FAM171A2: variants seen among roughly 807,000 people sequenced by gnomAD.
FAM171A2 encodes family with sequence similarity 171 member A2.
In FAM171A2, 13 loss-of-function variants were observed where a neutral mutation model predicts 34.2. The observed-to-expected ratio is 0.38, with a 90% CI of 0.25 to 0.60. The LOEUF is 0.60. FAM171A2 is among the 20% of genes least tolerant of loss of function. The pLI is 0.62. For missense variants in FAM171A2, 950 were observed against 1,180.7 expected (o/e 0.80, Z 2.86); for synonymous variants, 475 against 561.2 (o/e 0.85, Z 2.17).
In FAM171A2 at chr17:44,355,637, G is replaced by C; in HGVS notation, c.1022+78C>G. Reference sequence around the variant, plus strand: ...TTTCCTGTCTGCCCCTTGAGGACCAGAAGTGGATTTTATGCATCTTTGGGG... The same window carrying C: ...TTTCCTGTCTGCCCCTTGAGGACCACAAGTGGATTTTATGCATCTTTGGGG... On this transcript the variant is annotated intron_variant, in intron 7 of 7. Transcript: ENST00000293443. The surrounding 1 kb of genome is among the most constrained non-coding windows in gnomAD (Gnocchi z 4.1). 1 of 1,532,246 alleles carries C rather than the reference G, an allele frequency of 6.5e-7. No homozygotes were observed. The highest frequency in any genetic ancestry group is 8.8e-7 in the Non-Finnish European group (1 of 1,133,478). 94.9% of individuals were successfully genotyped at this position (1,532,246 alleles called of 1,614,324 possible).
chr17:44,357,473 C>G (rs1452961754), intron 3 of FAM171A2, among the ~76,000 whole-genome samples: 2 of 151,792 alleles, frequency 1.3e-5, no homozygotes, highest in Non-Finnish European at 2.9e-5. Context: ...ATGGTGAAAC[C>G]CCATCTCTAC....
At chr17:44,360,982 C>T (rs930852022) in intron 1 of FAM171A2, among the ~76,000 whole-genome samples, 3 of 152,248 alleles carry the variant, frequency 2.0e-5, no homozygotes, top group Admixed American at 6.5e-5. Context: ...GCCCTCATTC[C>T]TCCCAGGAGA....
Position 44,354,409 on chromosome 17 carries a change from T to TCGCCGCCGCCCC in FAM171A2, c.1793_1804dup (p.Gly598_Gly601dup), listed in dbSNP as rs1286550801. On this transcript the variant is annotated inframe_insertion, in exon 8 of 8. Coordinates refer to ENST00000293443, the MANE Select transcript of FAM171A2 (RefSeq NM_198475.3). This position sits in a 1 kb window ranked among gnomAD's most constrained non-coding sequence, Gnocchi z 5.8. ...CGCCGCGCGCCCGGCCCCCCAGCCC[T>TCGCCGCCGCCCC]CGCCGCCGCCCCCGCCGCCCTCGCC... 1.4e-5 allele frequency: 17 copies of TCGCCGCCGCCCC among 1,187,226 alleles called. No homozygotes were observed. Among genetic ancestry groups the TCGCCGCCGCCCC allele is most frequent in the Non-Finnish European group, 1.8e-5 (17 of 951,808 alleles). 73.5% of individuals were successfully genotyped at this position (1,187,226 alleles called of 1,614,324 possible).
At chr17:44,359,456 A>T in intron 3 of FAM171A2, 123 bp downstream of exon 3, 1 of 770,328 alleles carries the variant, frequency 1.3e-6, no homozygotes, top group Non-Finnish European at 2.2e-6. Context: ...AAATGAGCAA[A>T]TTATGGCTCA....
chr17:44,353,981 C>T lies in FAM171A2; in HGVS notation c.2233G>A (p.Glu745Lys). The part of the protein sequence containing the change: ...SESRTGLCSP[E>K]DNSLTPLLDE... ...AGCAGCGGCGTCAGCGAGTTGTCCT[C>T]CGGAGAGCAGAGGCCCGTGCGGCTC... Residue 745 changes from glutamate to lysine, a missense_variant, in exon 8 of 8, where the codon GAG becomes AAG. Glu to Lys is a moderately conservative substitution (Grantham distance 56). This residue lies in a region of FAM171A2 where 191 missense variants were observed against 222.8 expected (regional missense o/e 0.86). Coordinates refer to ENST00000293443, the MANE Select transcript of FAM171A2 (RefSeq NM_198475.3). 7.8e-7 allele frequency: 1 copy of T among 1,284,830 alleles called. No individual in the cohort carries two copies. The highest frequency in any genetic ancestry group is 9.8e-7 in the Non-Finnish European group (1 of 1,019,288). The allele number at this position is 1,284,830 out of a possible 1,614,324, so 79.6% of individuals were successfully genotyped here. A position where few individuals can be genotyped will look rare whatever the true frequency, so the allele number is the denominator to read the frequency against.
At chr17:44,357,730 C>T (rs1005769787) in intron 3 of FAM171A2, among the ~76,000 whole-genome samples, 21 of 143,264 alleles carry the variant, frequency 1.5e-4, no homozygotes, top group South Asian at 2.3e-4. Context: ...CAGTTTAGGT[C>T]GTGTGTGTGT....
intron 3 of FAM171A2, chr17:44,359,316 T>C (rs2048438302): frequency 2.0e-6 from 1 of 489,928 alleles, no homozygotes; most frequent in Non-Finnish European, 3.7e-6. Context: ...TAGGAATAGA[T>C]GGAGAATAGA....
chr17:44,353,783 G>A lies in FAM171A2; in HGVS notation c.2431C>T (p.Pro811Ser). Residue 811 changes from proline (P) to serine (S), a missense_variant, in exon 8 of 8, where the codon CCG becomes TCG. Physicochemically the swap from Pro to Ser is moderately conservative, Grantham distance 74 (BLOSUM62 -1). This residue lies in a region of FAM171A2 where 191 missense variants were observed against 222.8 expected (regional missense o/e 0.86). Transcript: ENST00000293443. ...GGCCGCTCCTCCCGCCGCTGCCACG[G>A]GCTCTTCTTGTCTCCCGCCTCGTCG... ...VGDEAGDKKS[P>S]WQRREERPLM... 1 of 1,437,724 alleles carries A rather than the reference G, an allele frequency of 7.0e-7. No individual in the cohort carries two copies. Among genetic ancestry groups the A allele is most frequent in the Non-Finnish European group, 9.1e-7 (1 of 1,096,754 alleles). The allele number at this position is 1,437,724 out of a possible 1,614,324, so 89.1% of individuals were successfully genotyped here.
chr17:44,353,561 G>C lies in FAM171A2; in HGVS notation c.*172C>G. 2.5e-6 allele frequency: 1 copy of C among 394,832 alleles called. No individual in the cohort carries two copies. Among genetic ancestry groups the C allele is most frequent in the South Asian group, 1.2e-4 (1 of 8,430 alleles). The allele number at this position is 394,832 out of a possible 1,614,324, so 24.5% of individuals were successfully genotyped here. ...CCTCCCCGGCTTGGAGGCAGACACA[G>C]GGTCCCTTGCAAGACACGACCCAGC... is the stretch of plus-strand genomic sequence containing the variant. On this transcript the variant is annotated 3_prime_UTR_variant, in exon 8 of 8. Transcript: ENST00000293443.
At position 44,353,722 on chromosome 17, in the gene FAM171A2, C is replaced by T. The variant is rs2048402988; in HGVS notation, c.*11G>A. On this transcript the variant is annotated 3_prime_UTR_variant, in exon 8 of 8. Transcript: ENST00000293443. ...CGCGCGGGAGGGGCGGTGCCAGGCC[C>T]TGCGCGGGCGCTACTTGACGTTGAA... 5 of 1,383,720 alleles carry T rather than the reference C, an allele frequency of 3.6e-6. No homozygotes were observed. The highest frequency in any genetic ancestry group is 4.7e-6 in the Non-Finnish European group (5 of 1,064,858). The allele number at this position is 1,383,720 out of a possible 1,614,324, so 85.7% of individuals were successfully genotyped here. A position where few individuals can be genotyped will look rare whatever the true frequency, so the allele number is the denominator to read the frequency against.
chr17:44,360,695 C>T (rs746269154), intron 1 of FAM171A2, among the ~76,000 whole-genome samples: 33 of 151,940 alleles, frequency 2.2e-4, no homozygotes, highest in African/African-American at 7.5e-4. Context: ...GGTCCGCAGG[C>T]GGAGAGGAGA....
Position 44,354,979 on chromosome 17 carries a change from C to G in FAM171A2, c.1235G>C (p.Arg412Pro). ...FSSSRDLASSRDDFFRTKPRS... is the reference protein window; with the variant it reads ...FSSSRDLASSPDDFFRTKPRS... ...CGGCTTGGTGCGGAAGAAGTCATCC[C>G]GGGAGGAGGCCAAGTCCCGGGAGCT... The change falls in exon 8 of 8, where the codon CGG (arginine) becomes CCG (proline). Residue 412 changes from arginine (R) to proline (P), a missense_variant. By Grantham distance (103) the Arg-to-Pro change is moderately radical (BLOSUM62 -2). Transcript: ENST00000293443. This position sits in a 1 kb window ranked among gnomAD's most constrained non-coding sequence, Gnocchi z 5.8. 1 of 1,480,338 alleles carries G rather than the reference C, an allele frequency of 6.8e-7. No homozygotes were observed. Among genetic ancestry groups the G allele is most frequent in the Admixed American group, 2.6e-5 (1 of 38,824 alleles). The allele number at this position is 1,480,338 out of a possible 1,614,324, so 91.7% of individuals were successfully genotyped here.
chr17:44,359,384 T>G (rs1282969269), intron 3 of FAM171A2, 195 bp downstream of exon 3: 1 of 604,238 alleles, frequency 1.7e-6, no homozygotes, highest in Non-Finnish European at 3.0e-6. Flanking sequence ...GTACTGTGTT[T>G]TTTCACTTTG....
chr17:44,356,218 T>G lies in FAM171A2; in HGVS notation c.733A>C (p.Thr245Pro). 1.3e-6 allele frequency: 2 copies of G among 1,550,388 alleles called. No individual in the cohort carries two copies. The highest frequency in any genetic ancestry group is 1.7e-6 in the Non-Finnish European group (2 of 1,146,320). ...LPVPSETRAL[T>P]VGTSIPAWRF... ...CAGGCTGGAATGCTGGTGCCCACGG[T>G]GAGGGCACGAGTCTCGGAGGGCACG... The change falls in exon 5 of 8, where the codon ACC (threonine) becomes CCC (proline). Residue 245 changes from threonine to proline, a missense_variant. Physicochemically the swap from Thr to Pro is conservative, Grantham distance 38. Coordinates refer to ENST00000293443, the MANE Select transcript of FAM171A2 (RefSeq NM_198475.3).
At position 44,354,488 on chromosome 17, in the gene FAM171A2, A is replaced by G; in HGVS notation, c.1726T>C (p.Phe576Leu). 2 of 1,078,970 alleles carry G rather than the reference A, an allele frequency of 1.9e-6. No individual in the cohort carries two copies. Among genetic ancestry groups the G allele is most frequent in the Non-Finnish European group, 2.2e-6 (2 of 890,946 alleles). 66.8% of individuals were successfully genotyped at this position (1,078,970 alleles called of 1,614,324 possible). A position where few individuals can be genotyped will look rare whatever the true frequency, so the allele number is the denominator to read the frequency against. ...EGTAPGPARA[F>L]PQPDPQRPQM... The stretch of plus-strand genomic sequence containing the variant: ...GGGCGCTGGGGGTCGGGCTGGGGAA[A>G]AGCGCGCGCCGGGCCGGGTGCCGTG... Residue 576 changes from phenylalanine to leucine, a missense_variant, in exon 8 of 8, where the codon TTT (phenylalanine) becomes CTT (leucine). Phe to Leu is a conservative substitution (Grantham distance 22). Transcript: ENST00000293443. This position sits in a 1 kb window ranked among gnomAD's most constrained non-coding sequence, Gnocchi z 5.8.
chr17:44,360,631 C>T (rs1250573795), intron 1 of FAM171A2, among the ~76,000 whole-genome samples: 1 of 152,102 alleles, frequency 6.6e-6, no homozygotes, highest in Non-Finnish European at 1.5e-5. Flanking sequence ...TTCTTAACCC[C>T]GGGCCTGGGG....
chr17:44,355,336 G>T lies in FAM171A2; in HGVS notation c.1023-145C>A. On this transcript the variant is annotated intron_variant, in intron 7 of 7. Coordinates refer to ENST00000293443, the MANE Select transcript of FAM171A2 (RefSeq NM_198475.3). This position sits in a 1 kb window ranked among gnomAD's most constrained non-coding sequence, Gnocchi z 4.1. The stretch of plus-strand genomic sequence containing the variant: ...GGGCGCTCAGGAGAGATGGCGGGGA[G>T]CCGCCGTGTCCGTTTGGCGATCCCC... 7.2e-7 allele frequency: 1 copy of T among 1,380,942 alleles called. No homozygotes were observed. Among genetic ancestry groups the T allele is most frequent in the Non-Finnish European group, 9.6e-7 (1 of 1,045,046 alleles). The allele number at this position is 1,380,942 out of a possible 1,614,324, so 85.5% of individuals were successfully genotyped here.
Position 44,353,968 on chromosome 17 carries a change from A to T in FAM171A2, c.2246T>A (p.Leu749Gln). 1 of 1,292,474 alleles carries T rather than the reference A, an allele frequency of 7.7e-7. No homozygotes were observed. The highest frequency in any genetic ancestry group is 2.2e-5 in the South Asian group (1 of 44,744). 80.1% of individuals were successfully genotyped at this position (1,292,474 alleles called of 1,614,324 possible). ...TGLCSPEDNSLTPLLDEVAAP... is the reference protein window; with the variant it reads ...TGLCSPEDNSQTPLLDEVAAP... The stretch of plus-strand genomic sequence containing the variant: ...CGCCACCTCGTCCAGCAGCGGCGTC[A>T]GCGAGTTGTCCTCCGGAGAGCAGAG... Residue 749 changes from leucine (L) to glutamine (Q), a missense_variant, in exon 8 of 8, where the codon CTG becomes CAG. Leu to Gln is a moderately radical substitution (Grantham distance 113). Transcript: ENST00000293443.
Position 44,356,488 on chromosome 17 carries a change from G to C in FAM171A2, c.540C>G (p.Ser180Arg). The C allele has an allele frequency of 6.4e-7, 1 of 1,550,858 alleles. No individual in the cohort carries two copies. Among genetic ancestry groups the C allele is most frequent in the Non-Finnish European group, 8.7e-7 (1 of 1,146,964 alleles). ...SQLWASLTPASTQQEMRAFPA... is the reference protein window; with the variant it reads ...SQLWASLTPARTQQEMRAFPA... Reference sequence around the variant, plus strand: ...GGAAAGCCCGCATTTCCTGCTGGGTGCTGGCAGGCGTAAGTGACGCCCAGA... The same window carrying C: ...GGAAAGCCCGCATTTCCTGCTGGGTCCTGGCAGGCGTAAGTGACGCCCAGA... The change falls in exon 4 of 8, where the codon AGC (serine) becomes AGG (arginine). Residue 180 changes from serine to arginine, a missense_variant. Ser to Arg is a moderately radical substitution (Grantham distance 110). Around this residue, in one of 3 missense-constraint regions of FAM171A2, gnomAD observed 752 missense variants for 924.5 expected, o/e 0.81. Transcript: ENST00000293443.
Sources: gnomAD v4.1 joint callset for allele counts (sites outside exome capture counted in the v4.1 genomes callset) on GRCh38, gnomAD v4.1.1 for gene constraint, gnomAD v4.1.1 regional missense constraint, Gnocchi (gnomAD v3.1) non-coding constraint, MANE v1.5 for transcripts, NCBI Gene and HGNC (gene_info 2026-07-23, HGNC 2026-07-21) for gene names.